The following ZNF469 variants were observed in gnomAD, a reference collection of about 807,000 sequenced individuals.
ZNF469 encodes zinc finger protein 469.
Under a neutral mutation model 1.0 loss-of-function variants are expected in ZNF469, and 1 was observed. That is an observed-to-expected ratio of 1.00 (90% CI 0.35 to 4.73). The LOEUF (loss-of-function observed/expected upper bound fraction) is 4.73, where lower values mean the gene tolerates loss of function less well. Among genes scored for constraint, ZNF469 ranks in the 30% most tolerant of loss-of-function variants. The probability of loss-of-function intolerance (pLI) is 0.16; values close to 1 mark genes in which losing one functional copy is unlikely to be tolerated. For synonymous variants in ZNF469, 2,703 were observed against 2,363.4 expected (o/e 1.14, Z -4.17); for missense variants, 6,100 against 5,356.3 (o/e 1.14, Z -4.33).
At chr16:88,247,222 GTGAA>G in the ZNF469 span, among the ~76,000 whole-genome samples, 2 of 151,594 alleles carry the variant, frequency 1.3e-5, no homozygotes, top group Non-Finnish European at 2.9e-5. Flanking sequence ...GAATAAGTGA[GTGAA>G]TGAGGGAGTG....
At chr16:88,210,052 C>T in the ZNF469 span, among the ~76,000 whole-genome samples, 1 of 152,236 alleles carries the variant, frequency 6.6e-6, no homozygotes, top group African/African-American at 2.4e-5. Context: ...CTCATGGGAA[C>T]ATGTTCTCAG....
chr16:88,411,049 G>C (rs1905146461), intron 1 of ZNF469, among the ~76,000 whole-genome samples: 1 of 152,180 alleles, frequency 6.6e-6, no homozygotes, highest in Non-Finnish European at 1.5e-5. Context: ...ACCTGTCTTT[G>C]GATGTAGAGC....
the ZNF469 span, among the ~76,000 whole-genome samples, chr16:88,364,735 A>G: frequency 2.0e-4 from 30 of 152,298 alleles, no homozygotes; most frequent in Admixed American, 6.5e-4. Flanking sequence ...AGGCCAAAGC[A>G]GGCGGATCAC....
chr16:88,379,517 G>C (rs1200959080), upstream of ZNF469, among the ~76,000 whole-genome samples: 1 of 152,146 alleles, frequency 6.6e-6, no homozygotes, highest in Non-Finnish European at 1.5e-5. Context: ...GCCAGGCCAG[G>C]GGAGGGACGG....
At chr16:88,160,862 G>C in the ZNF469 span, among the ~76,000 whole-genome samples, 2 of 152,208 alleles carry the variant, frequency 1.3e-5, no homozygotes, top group South Asian at 4.1e-4. Flanking sequence ...GGTTTTAAAG[G>C]CCAGGTGCGA....
Position 88,436,376 on chromosome 16 carries a change from C to G in ZNF469, c.8906C>G (p.Ala2969Gly). The G allele has an allele frequency of 6.5e-7, 1 of 1,550,132 alleles. No homozygotes were observed. The highest frequency in any genetic ancestry group is 8.7e-7 in the Non-Finnish European group (1 of 1,146,924). Reference sequence around the variant, plus strand: ...TGGGCCCTGGAGCCCAGCAGGGAAGCTGGTGCAGAGAAGCTGCCCTCCCAC... The same window carrying G: ...TGGGCCCTGGAGCCCAGCAGGGAAGGTGGTGCAGAGAAGCTGCCCTCCCAC... ...SLWALEPSREAGAEKLPSHCP... is the reference protein window; with the variant it reads ...SLWALEPSREGGAEKLPSHCP... The change falls in exon 3 of 3, where the codon GCT becomes GGT. Residue 2969 changes from alanine to glycine, a missense_variant. Physicochemically the swap from Ala to Gly is moderately conservative, Grantham distance 60 (BLOSUM62 0). Transcript: ENST00000565624.
At chr16:88,393,225 C>T (rs1394969023) in intron 1 of ZNF469, among the ~76,000 whole-genome samples, 1 of 152,286 alleles carries the variant, frequency 6.6e-6, no homozygotes, top group African/African-American at 2.4e-5. Flanking sequence ...GGAAGAAAAG[C>T]CGCCAGCGGC....
chr16:88,268,816 G>A, the ZNF469 span, among the ~76,000 whole-genome samples: 1 of 152,202 alleles, frequency 6.6e-6, no homozygotes, highest in Non-Finnish European at 1.5e-5. Flanking sequence ...TACATCGAAT[G>A]TTTTCTGTGT....
At position 88,435,218 on chromosome 16, in the gene ZNF469, T is replaced by G; in HGVS notation, c.7748T>G (p.Val2583Gly). ...CCTCCAAGCCCTACTGAGCATGAGG[T>G]AGATGTGAAGACTCCGGCCTCCAAG... is the stretch of plus-strand genomic sequence containing the variant. ...LHPPSPTEHEVDVKTPASKPR... is the reference protein window; with the variant it reads ...LHPPSPTEHEGDVKTPASKPR... The change falls in exon 3 of 3, where the codon GTA (valine) becomes GGA (glycine). Residue 2583 changes from valine (V) to glycine (G), a missense_variant. Val to Gly is a moderately radical substitution (Grantham distance 109). Coordinates refer to ENST00000565624, the MANE Select transcript of ZNF469 (RefSeq NM_001367624.2). 6.5e-7 allele frequency: 1 copy of G among 1,549,912 alleles called. No homozygotes were observed. Among genetic ancestry groups the G allele is most frequent in the Non-Finnish European group, 8.7e-7 (1 of 1,146,874 alleles).
At position 88,420,448 on chromosome 16, in the gene ZNF469, C is replaced by T. The variant is rs182975224; in HGVS notation, c.-191-4359C>T. Among the ~76,000 whole-genome samples the T allele has an allele frequency of 9.8e-5, 15 of 152,354 alleles. No homozygotes were observed. The East Asian group carries it at 2.7e-3, about 27-fold the overall frequency. The stretch of plus-strand genomic sequence containing the variant: ...GGCCCAAGGACCCATCAGATCCAAC[C>T]TCCATTTACAGTTGGTGAAACTGAG... On this transcript the variant is annotated intron_variant, in intron 1 of 2. Coordinates refer to ENST00000565624, the MANE Select transcript of ZNF469 (RefSeq NM_001367624.2).
chr16:88,377,903 G>C, the ZNF469 span, among the ~76,000 whole-genome samples: 11 of 152,152 alleles, frequency 7.2e-5, 1 homozygote, highest in Admixed American at 7.2e-4. Flanking sequence ...AAAAAAAAAT[G>C]GTTTTTGAGC....
At chr16:88,381,417 C>T (rs940975466), upstream of ZNF469, among the ~76,000 whole-genome samples, 1 of 150,526 alleles carries the variant, frequency 6.6e-6, no homozygotes, top group African/African-American at 2.4e-5. Flanking sequence ...CACAGACATG[C>T]ACTCTCTCAC....
At chr16:88,231,686 C>T in the ZNF469 span, among the ~76,000 whole-genome samples, 2 of 152,224 alleles carry the variant, frequency 1.3e-5, no homozygotes, top group Admixed American at 6.5e-5. This position sits in a 1 kb window ranked among gnomAD's most constrained non-coding sequence, Gnocchi z 4.5. Context: ...TGTTCCTTCT[C>T]ACACCTCCTC....
chr16:88,206,792 C>T, the ZNF469 span, among the ~76,000 whole-genome samples: 239 of 141,398 alleles, frequency 1.7e-3, 5 homozygotes, highest in Non-Finnish European at 2.5e-3. Flanking sequence ...TCTGTGGGAA[C>T]GGAAGGGAGG....
the ZNF469 span, among the ~76,000 whole-genome samples, chr16:88,138,174 C>G: frequency 2.6e-5 from 4 of 152,210 alleles, no homozygotes; most frequent in African/African-American, 9.6e-5. Context: ...CATCCAAGAG[C>G]AGGGACTTTA....
chr16:88,333,238 G>C, the ZNF469 span, among the ~76,000 whole-genome samples: 1 of 152,162 alleles, frequency 6.6e-6, no homozygotes, highest in Non-Finnish European at 1.5e-5. Flanking sequence ...TGGTCTCCAA[G>C]CCGGTGGGTA....
At chr16:88,124,023 G>A in the ZNF469 span, among the ~76,000 whole-genome samples, 1 of 152,098 alleles carries the variant, frequency 6.6e-6, no homozygotes, top group East Asian at 1.9e-4. Context: ...GGCTGGTCTC[G>A]AACTCCTGAA....
chr16:88,337,057 T>C, the ZNF469 span, among the ~76,000 whole-genome samples: 1 of 152,244 alleles, frequency 6.6e-6, no homozygotes, highest in East Asian at 1.9e-4. Flanking sequence ...AAGTATATTC[T>C]GTCATGGTTT....
At chr16:88,245,322 G>A in the ZNF469 span, among the ~76,000 whole-genome samples, 4 of 152,230 alleles carry the variant, frequency 2.6e-5, no homozygotes, top group African/African-American at 4.8e-5. Context: ...AGTCCTGCAG[G>A]CTGTGGGAGC....
Sources: allele counts gnomAD v4.1 joint callset (sites outside exome capture counted in the v4.1 genomes callset), GRCh38; gene constraint gnomAD v4.1.1; non-coding constraint Gnocchi (gnomAD v3.1); transcripts MANE v1.5; gene names NCBI Gene and HGNC (gene_info 2026-07-23, HGNC 2026-07-21).